The following TRERF1 variants were observed in gnomAD, a reference collection of about 807,000 sequenced individuals.
TRERF1 encodes transcriptional-regulating factor 1.
TRERF1 carries 27 observed loss-of-function variants against 122.9 expected under a neutral mutation model. The ratio of observed to expected loss-of-function variants is 0.22; its 90% confidence interval spans 0.16 to 0.30. The LOEUF (loss-of-function observed/expected upper bound fraction) is 0.30, where lower values mean the gene tolerates loss of function less well. Among genes scored for constraint, TRERF1 ranks in the 10% least tolerant of loss-of-function variants. TRERF1 has a pLI of 1.00. For synonymous variants in TRERF1, 636 were observed against 641.7 expected (o/e 0.99, Z 0.13); for missense variants, 1,248 against 1,560.3 (o/e 0.80, Z 3.37).
intron 15 of TRERF1, among the ~76,000 whole-genome samples, chr6:42,238,271 A>G (rs757922728): frequency 6.6e-6 from 1 of 152,168 alleles, no homozygotes; most frequent in Non-Finnish European, 1.5e-5. Context: ...TATAATGACA[A>G]TTTTCTCACA....
intron 4 of TRERF1, among the ~76,000 whole-genome samples, chr6:42,278,429 T>C (rs1781688007): frequency 1.3e-5 from 2 of 152,226 alleles, no homozygotes; most frequent in Admixed American, 1.3e-4. Context: ...ACATCGGTAC[T>C]GATAAAGTCA....
intron 4 of TRERF1, among the ~76,000 whole-genome samples, chr6:42,287,941 C>A (rs1327888356): frequency 6.6e-6 from 1 of 152,190 alleles, no homozygotes; most frequent in East Asian, 1.9e-4. Context: ...ATTTCCCCAC[C>A]CACTCAGATA....
chr6:42,247,861 T>C (rs761031103), intron 13 of TRERF1, among the ~76,000 whole-genome samples: 6 of 152,160 alleles, frequency 3.9e-5, no homozygotes, highest in Non-Finnish European at 8.8e-5. Context: ...TTGGATGGTA[T>C]TTGGCCAAGG....
chr6:42,245,209 G>T (rs551162281), intron 14 of TRERF1, among the ~76,000 whole-genome samples: 1 of 152,390 alleles, frequency 6.6e-6, no homozygotes, highest in Admixed American at 6.5e-5. Context: ...TCCTGGAGGG[G>T]AGGGTGACTC....
At chr6:42,302,996 A>G (rs7764069) in intron 3 of TRERF1, among the ~76,000 whole-genome samples, 1,706 of 152,344 alleles carry the variant, frequency 0.011, 34 homozygotes, top group African/African-American at 0.038. Context: ...GCTTCTAAAG[A>G]CAGGTTCTTC....
chr6:42,385,046 C>T (rs375504778), intron 2 of TRERF1, among the ~76,000 whole-genome samples: 21 of 152,216 alleles, frequency 1.4e-4, no homozygotes, highest in South Asian at 4.1e-4. Flanking sequence ...GGTGCGATCT[C>T]GGCTCACTGC....
intron 13 of TRERF1, among the ~76,000 whole-genome samples, chr6:42,248,059 G>A (rs767347370): frequency 6.6e-6 from 1 of 152,100 alleles, no homozygotes; most frequent in Admixed American, 6.5e-5. Flanking sequence ...AACCCTAATC[G>A]CCTCTTTCTT....
chr6:42,282,093 T>A (rs1395883877), intron 4 of TRERF1, among the ~76,000 whole-genome samples: 1 of 152,228 alleles, frequency 6.6e-6, no homozygotes, highest in East Asian at 1.9e-4. Context: ...AGGGAGTTGG[T>A]TAAAGCAGAG....
chr6:42,411,865 C>T (rs1781136382), intron 2 of TRERF1, among the ~76,000 whole-genome samples: 1 of 152,184 alleles, frequency 6.6e-6, no homozygotes, highest in Admixed American at 6.5e-5. Context: ...GTCTGAAAAT[C>T]TTGGCCTTTG....
At chr6:42,292,493 T>C (rs1339355792) in intron 4 of TRERF1, among the ~76,000 whole-genome samples, 1 of 152,152 alleles carries the variant, frequency 6.6e-6, no homozygotes, top group African/African-American at 2.4e-5. Flanking sequence ...TTCAGTAGAA[T>C]TGTTCACTGA....
At chr6:42,428,213 T>C (rs1783935730) in intron 2 of TRERF1, among the ~76,000 whole-genome samples, 1 of 152,258 alleles carries the variant, frequency 6.6e-6, no homozygotes, top group Non-Finnish European at 1.5e-5. Flanking sequence ...ATGTAACTTC[T>C]GGTAGGGACA....
intron 2 of TRERF1, among the ~76,000 whole-genome samples, chr6:42,440,534 C>T (rs1786318453): frequency 6.6e-6 from 1 of 152,160 alleles, no homozygotes; most frequent in South Asian, 2.1e-4. Context: ...GCAGTTACTA[C>T]TACTAAAGCG....
Position 42,263,342 on chromosome 6 carries a change from G to C in TRERF1, c.1862C>G (p.Ser621Trp). 1 of 1,612,768 alleles carries C rather than the reference G, an allele frequency of 6.2e-7. No individual in the cohort carries two copies. The highest frequency in any genetic ancestry group is 8.5e-7 in the Non-Finnish European group (1 of 1,179,464). The change falls in exon 8 of 18, where the codon TCG becomes TGG. Residue 621 changes from serine to tryptophan, a missense_variant. Transcript: ENST00000372922. The surrounding 1 kb of genome is among the most constrained non-coding windows in gnomAD (Gnocchi z 5.6). The stretch of plus-strand genomic sequence containing the variant: ...CACGAGCACAGGCATCTCGTCGTCC[G>C]ACATCGAGCTGGCTGGCTTGTCTCT...
chr6:42,293,502 A>G (rs1251641042), intron 4 of TRERF1, among the ~76,000 whole-genome samples: 1 of 152,228 alleles, frequency 6.6e-6, no homozygotes, highest in Non-Finnish European at 1.5e-5. Flanking sequence ...ACTGAAGTGC[A>G]AAGAAACAAA....
At chr6:42,301,000 CAGAG>C (rs34724916) in intron 3 of TRERF1, among the ~76,000 whole-genome samples, 171 of 150,194 alleles carry the variant, frequency 1.1e-3, no homozygotes, top group African/African-American at 3.9e-3. Flanking sequence ...ACTTAGGAAA[CAGAG>C]AGAGAGAGAG....
Position 42,268,466 on chromosome 6 carries a change from G to A in TRERF1, c.1125C>T (p.Ser375=), listed in dbSNP as rs267601035. The change falls in exon 5 of 18, where the codon TCC becomes TCT. Residue 375 remains serine (S), a synonymous_variant. Coordinates refer to ENST00000372922, the Ensembl canonical transcript of TRERF1. This position sits in a 1 kb window ranked among gnomAD's most constrained non-coding sequence, Gnocchi z 4.4. ...GCTGGGGCTCCTGGTAGTAGTACTG[G>A]GACATGGAGCCCAGGGGAATCAGCT... is the stretch of plus-strand genomic sequence containing the variant. The A allele has an allele frequency of 2.5e-6, 4 of 1,599,604 alleles. No individual in the cohort carries two copies. The South Asian group carries it at 4.5e-5, about 18-fold the overall frequency.
intron 2 of TRERF1, among the ~76,000 whole-genome samples, chr6:42,447,659 G>A (rs987626237): frequency 1.3e-5 from 2 of 152,122 alleles, no homozygotes; most frequent in South Asian, 2.1e-4. Flanking sequence ...TATACCGCCT[G>A]GGGTATAAGC....
chr6:42,309,685 G>C (rs1787896575), intron 3 of TRERF1, among the ~76,000 whole-genome samples: 1 of 152,192 alleles, frequency 6.6e-6, no homozygotes, highest in African/African-American at 2.4e-5. Context: ...ACTGGCCTTT[G>C]TAGAGCTGTG....
chr6:42,256,083 A>G (rs1190732411), intron 12 of TRERF1, among the ~76,000 whole-genome samples: 1 of 149,642 alleles, frequency 6.7e-6, no homozygotes, highest in Non-Finnish European at 1.5e-5. Flanking sequence ...GTGAGCCGAG[A>G]TCATGCCATT....
Sources: allele counts gnomAD v4.1 joint callset (sites outside exome capture counted in the v4.1 genomes callset), GRCh38; gene constraint gnomAD v4.1.1; non-coding constraint Gnocchi (gnomAD v3.1); transcripts MANE v1.5; gene names NCBI Gene and HGNC (gene_info 2026-07-23, HGNC 2026-07-21).